Variants in PCDHGA3 observed in about 807,000 individuals in gnomAD.
The protein encoded by PCDHGA3 is protocadherin gamma subfamily A, 3.
In PCDHGA3, 40 loss-of-function variants were observed where a neutral mutation model predicts 58.5. The observed-to-expected ratio is 0.68, with a 90% CI of 0.53 to 0.89. PCDHGA3 has a LOEUF of 0.89. Among genes scored for constraint, PCDHGA3 ranks in the 40% least tolerant of loss-of-function variants. PCDHGA3 has a pLI of 0.00. For synonymous variants in PCDHGA3, 530 were observed against 525.7 expected (o/e 1.01, Z -0.11); for missense variants, 1,223 against 1,195.9 (o/e 1.02, Z -0.33).
chr5:141,390,561 G>A (rs921631416), intron 1 of PCDHGA3: 1 of 436,212 alleles, frequency 2.3e-6, no homozygotes, highest in African/African-American at 2.0e-5. Flanking sequence ...TTAGACAGTT[G>A]TTGGCTCTCT....
At chr5:141,471,637 T>C (rs1284100810) in intron 1 of PCDHGA3, 2 of 152,198 alleles carry the variant, frequency 1.3e-5, no homozygotes, top group Non-Finnish European at 2.9e-5. Context: ...TATGGATTAG[T>C]AATATACTGG....
At position 141,346,462 on chromosome 5, in the gene PCDHGA3, G is replaced by C; in HGVS notation, c.2424+5G>C. On this transcript the variant is annotated splice_donor_5th_base_variant and intron_variant, in intron 1 of 3. Coordinates refer to ENST00000253812, the MANE Select transcript of PCDHGA3 (RefSeq NM_018916.4). ...GGAGATTCCAACCTACTTCAGGTGA[G>C]TTTATTTATTTCTTTGATTATTAAG... The C allele has an allele frequency of 6.2e-7, 1 of 1,613,952 alleles. No individual in the cohort carries two copies. The highest frequency in any genetic ancestry group is 1.3e-5 in the African/African-American group (1 of 75,018).
intron 1 of PCDHGA3, chr5:141,385,038 G>C (rs377185831): frequency 4.3e-6 from 7 of 1,614,138 alleles, no homozygotes; most frequent in Non-Finnish European, 5.9e-6. Flanking sequence ...TACTGCTGGC[G>C]CTCAGGCTGC....
intron 1 of PCDHGA3, chr5:141,364,724 C>T (rs772314048): frequency 9.3e-6 from 15 of 1,613,892 alleles, no homozygotes; most frequent in South Asian, 7.7e-5. Flanking sequence ...TAACTTCCCG[C>T]GTTTCCGGGA....
Position 141,486,662 on chromosome 5 carries a change from C to T in PCDHGA3, c.2425-8145C>T. 6.2e-7 allele frequency: 1 copy of T among 1,613,970 alleles called. No homozygotes were observed. The highest frequency in any genetic ancestry group is 1.1e-5 in the South Asian group (1 of 91,086). ...GCTTATCTCCTACTCACTCCTGGAG[C>T]CCAGGAATCGAGATGTATCAGCTTC... On this transcript the variant is annotated intron_variant, in intron 1 of 3. Coordinates refer to ENST00000253812, the MANE Select transcript of PCDHGA3 (RefSeq NM_018916.4). The surrounding 1 kb of genome is among the most constrained non-coding windows in gnomAD (Gnocchi z 5.0).
intron 1 of PCDHGA3, chr5:141,365,060 C>T (rs750087491): frequency 1.2e-6 from 2 of 1,613,874 alleles, no homozygotes; most frequent in Admixed American, 1.7e-5. Context: ...CCTGTTCACC[C>T]CATCCGAGTA....
chr5:141,376,773 G>C (rs1773367206), intron 1 of PCDHGA3: 1 of 400,516 alleles, frequency 2.5e-6, no homozygotes, highest in South Asian at 3.1e-5. Context: ...TGCAAGCTCC[G>C]CTTCCCGGGT....
intron 1 of PCDHGA3, chr5:141,392,496 T>C (rs1357893523): frequency 4.6e-6 from 1 of 215,562 alleles, no homozygotes; most frequent in Non-Finnish European, 9.1e-6. Context: ...AATAAGCAAA[T>C]GATTTTTTTT....
At chr5:141,361,617 C>T (rs762792613) in intron 1 of PCDHGA3, 3 of 1,613,984 alleles carry the variant, frequency 1.9e-6, no homozygotes, top group South Asian at 1.1e-5. Flanking sequence ...TCGTAGCGAG[C>T]GACCTGAAGC....
chr5:141,393,170 A>G (rs746908655), intron 1 of PCDHGA3: 1 of 1,613,286 alleles, frequency 6.2e-7, no homozygotes, highest in South Asian at 1.1e-5. Context: ...TCTTTGGGGT[A>G]GAAATAGAAA....
chr5:141,351,666 A>G, intron 1 of PCDHGA3: 1 of 1,614,014 alleles, frequency 6.2e-7, no homozygotes, highest in Admixed American at 1.7e-5. Flanking sequence ...TCCATTGCAC[A>G]AGTAAGCGCC....
intron 1 of PCDHGA3, chr5:141,415,739 G>GTTTTT (rs1561759437): frequency 2.3e-6 from 1 of 434,538 alleles, no homozygotes; most frequent in African/African-American, 3.3e-5. Flanking sequence ...TGTTTATTAA[G>GTTTTT]GTTTTTTTTT....
chr5:141,462,388 C>T (rs529638718), intron 1 of PCDHGA3, among the ~76,000 whole-genome samples: 86 of 152,204 alleles, frequency 5.7e-4, no homozygotes, highest in Non-Finnish European at 9.4e-4. Context: ...AATTCGTTAA[C>T]ATTTCTTTTA....
intron 1 of PCDHGA3, chr5:141,428,275 G>A (rs566455986): frequency 6.5e-6 from 5 of 767,218 alleles, no homozygotes; most frequent in African/African-American, 3.4e-5. Context: ...TGTGCCCTCT[G>A]ATTCCCAAGC....
At position 141,390,017 on chromosome 5, in the gene PCDHGA3, G is replaced by C. The variant is rs2092015490; in HGVS notation, c.2424+43560G>C. Reference sequence around the variant, plus strand: ...TGGCCATGATTCTGGCCATTGCCTTGCGCCTGCGACGCTCCTCCAGCCCCG... The same window carrying C: ...TGGCCATGATTCTGGCCATTGCCTTCCGCCTGCGACGCTCCTCCAGCCCCG... On this transcript the variant is annotated intron_variant, in intron 1 of 3. Transcript: ENST00000253812. 1.9e-6 allele frequency: 3 copies of C among 1,613,898 alleles called. No homozygotes were observed. The South Asian group carries it at 3.3e-5, about 18-fold the overall frequency.
At chr5:141,374,163 C>T (rs764323551) in intron 1 of PCDHGA3, 3 of 1,612,724 alleles carry the variant, frequency 1.9e-6, no homozygotes, top group Admixed American at 1.7e-5. Context: ...TGGGGGGCCG[C>T]GGCAGCGCAG....
chr5:141,422,828 T>C (rs1273420440), intron 1 of PCDHGA3: 2 of 1,614,232 alleles, frequency 1.2e-6, no homozygotes, highest in East Asian at 4.5e-5. Context: ...CTGAGAGTGA[T>C]AGCACGTGAC....
rs2099629299 is a variant in PCDHGA3, at chr5:141,486,426, A to G, written c.2425-8381A>G. ...GCTGGACCCTTGGATCGAGAGGCCA[A>G]ATCTAGCTATGACATCATGGTCACT... On this transcript the variant is annotated intron_variant, in intron 1 of 3. Transcript: ENST00000253812. The surrounding 1 kb of genome is among the most constrained non-coding windows in gnomAD (Gnocchi z 5.0). 1.9e-6 allele frequency: 3 copies of G among 1,614,190 alleles called. No individual in the cohort carries two copies. Among genetic ancestry groups the G allele is most frequent in the Non-Finnish European group, 2.5e-6 (3 of 1,180,026 alleles).
chr5:141,351,894 G>T, intron 1 of PCDHGA3: 3 of 1,613,426 alleles, frequency 1.9e-6, no homozygotes, highest in South Asian at 2.2e-5. Flanking sequence ...GTGAGCCTGC[G>T]CGTGTTGGTG....
Sources: gnomAD v4.1 joint callset for allele counts (sites outside exome capture counted in the v4.1 genomes callset) on GRCh38, gnomAD v4.1.1 for gene constraint, Gnocchi (gnomAD v3.1) non-coding constraint, MANE v1.5 for transcripts, NCBI Gene and HGNC (gene_info 2026-07-23, HGNC 2026-07-21) for gene names.